The following BAZ1B variants were observed in gnomAD, a reference collection of about 807,000 sequenced individuals.
The protein encoded by BAZ1B is tyrosine-protein kinase BAZ1B.
A neutral mutation model predicts 153.8 loss-of-function variants in BAZ1B; 22 were observed. The observed-to-expected ratio is 0.14, with a 90% CI of 0.10 to 0.20. The LOEUF (loss-of-function observed/expected upper bound fraction) is 0.20, where lower values mean the gene tolerates loss of function less well. Among genes scored for constraint, BAZ1B ranks in the 10% least tolerant of loss-of-function variants. The probability of loss-of-function intolerance (pLI) is 1.00; values close to 1 mark genes in which losing one functional copy is unlikely to be tolerated. For missense variants in BAZ1B, 1,325 were observed against 1,799.3 expected (o/e 0.74, Z 4.77); for synonymous variants, 676 against 633.4 (o/e 1.07, Z -1.01).
At chr7:73,515,082 A>C (rs975484899) in intron 1 of BAZ1B, among the ~76,000 whole-genome samples, 1 of 152,150 alleles carries the variant, frequency 6.6e-6, no homozygotes, top group Non-Finnish European at 1.5e-5. Flanking sequence ...AAAAAAAAAC[A>C]AAAAACCTCC....
rs782336091 is a variant in BAZ1B, at chr7:73,477,927, C to T, written c.1534G>A (p.Ala512Thr). 1 of 1,614,216 alleles carries T rather than the reference C, an allele frequency of 6.2e-7. No homozygotes were observed. Among genetic ancestry groups the T allele is most frequent in the South Asian group, 1.1e-5 (1 of 91,084 alleles). Reference sequence around the variant, plus strand: ...CTTCGCAATTCTTCTGGGAGACGAGCTCTATCTTCACTAGAGAGAAGACGA... The same window carrying T: ...CTTCGCAATTCTTCTGGGAGACGAGTTCTATCTTCACTAGAGAGAAGACGA... ...TARLLSSEDR[A>T]RLPEELRSLV... The change falls in exon 7 of 20, where the codon GCT (alanine) becomes ACT (threonine). Residue 512 changes from alanine (A) to threonine (T), a missense_variant. This residue lies in a region of BAZ1B where 154 missense variants were observed against 266.3 expected (regional missense o/e 0.58). Transcript: ENST00000339594. This position sits in a 1 kb window ranked among gnomAD's most constrained non-coding sequence, Gnocchi z 5.6.
chr7:73,521,990 T>A lies in BAZ1B; in HGVS notation c.-57A>T. 8.4e-7 allele frequency: 1 copy of A among 1,191,688 alleles called. No homozygotes were observed. Among genetic ancestry groups the A allele is most frequent in the Non-Finnish European group, 1.1e-6 (1 of 948,190 alleles). The allele number at this position is 1,191,688 out of a possible 1,614,324, so 73.8% of individuals were successfully genotyped here. On this transcript the variant is annotated 5_prime_UTR_variant, in exon 1 of 20. Coordinates refer to ENST00000339594, the MANE Select transcript of BAZ1B (RefSeq NM_032408.4). Reference sequence around the variant, plus strand: ...TGGGGCCGGCCCCGCGGCGCAGCACTAGGCCCCGCGGCCCGGAGCGAGCGC... The same window carrying A: ...TGGGGCCGGCCCCGCGGCGCAGCACAAGGCCCCGCGGCCCGGAGCGAGCGC...
chr7:73,472,600 G>A (rs888718200), intron 7 of BAZ1B, among the ~76,000 whole-genome samples: 4 of 152,048 alleles, frequency 2.6e-5, no homozygotes, highest in Non-Finnish European at 5.9e-5. Flanking sequence ...GTTTTGAGAC[G>A]GAGTCTCACC....
intron 13 of BAZ1B, among the ~76,000 whole-genome samples, chr7:73,454,259 C>T (rs1554569097): frequency 6.6e-6 from 1 of 152,110 alleles, no homozygotes; most frequent in Non-Finnish European, 1.5e-5. Flanking sequence ...GAGTCTGAGG[C>T]TGCAGAGAGC....
chr7:73,497,469 T>G (rs1293449806), intron 4 of BAZ1B, among the ~76,000 whole-genome samples: 1 of 152,210 alleles, frequency 6.6e-6, no homozygotes, highest in African/African-American at 2.4e-5. Context: ...TAAGTTTTGA[T>G]AAATTTTAAC....
chr7:73,492,549 T>C lies in BAZ1B; in HGVS notation c.693+251A>G, dbSNP rs192575486. On this transcript the variant is annotated intron_variant, in intron 5 of 19. Coordinates refer to ENST00000339594, the MANE Select transcript of BAZ1B (RefSeq NM_032408.4). ...AGATTCTTAATTTTCAAACTGAATT[T>C]CAAGCTCAAATGTAAATTACTTACA... is the stretch of plus-strand genomic sequence containing the variant. Among the ~76,000 whole-genome samples the C allele has an allele frequency of 2.2e-4, 34 of 152,306 alleles. No individual in the cohort carries two copies. In the East Asian group the frequency reaches 5.8e-3, roughly 26 times the overall value.
rs548268452 is a variant in BAZ1B, at chr7:73,462,838, T to C, written c.3249+84A>G. 617 of 1,447,452 alleles carry C rather than the reference T, an allele frequency of 4.3e-4. 1 individual carries two copies. Among genetic ancestry groups the C allele is most frequent in the African/African-American group, 7.5e-4 (53 of 70,864 alleles). 89.7% of individuals were successfully genotyped at this position (1,447,452 alleles called of 1,614,324 possible). ...ACATCTGATTTCCAGGAGGGTCATG[T>C]TGGGAAGTCAAGAACAGCACCAGGG... On this transcript the variant is annotated intron_variant, in intron 12 of 19. Coordinates refer to ENST00000339594, the MANE Select transcript of BAZ1B (RefSeq NM_032408.4).
At chr7:73,462,645 G>A (rs189962489) in intron 12 of BAZ1B, 23 of 414,840 alleles carry the variant, frequency 5.5e-5, no homozygotes, top group African/African-American at 6.2e-5. Context: ...CTATACGACT[G>A]GAGCCTCTAC....
At chr7:73,482,001 T>C (rs1009985524) in intron 6 of BAZ1B, among the ~76,000 whole-genome samples, 1 of 152,192 alleles carries the variant, frequency 6.6e-6, no homozygotes, top group African/African-American at 2.4e-5. Context: ...ATCCCGCCAC[T>C]GCACTCTGGC....
intron 12 of BAZ1B, among the ~76,000 whole-genome samples, chr7:73,459,995 G>C (rs1262975415): frequency 6.6e-6 from 1 of 152,010 alleles, no homozygotes; most frequent in Non-Finnish European, 1.5e-5. Context: ...AGGAGTTCAA[G>C]ACCACTTTGG....
At chr7:73,521,747 G>C (rs992680471) in intron 1 of BAZ1B, 80 bp downstream of exon 1, 2 of 1,254,558 alleles carry the variant, frequency 1.6e-6, no homozygotes, top group South Asian at 1.5e-5. Context: ...GGGATGCGCG[G>C]CTGACCTGGT....
chr7:73,519,527 C>T (rs2115632369), intron 1 of BAZ1B, among the ~76,000 whole-genome samples: 1 of 152,182 alleles, frequency 6.6e-6, no homozygotes, highest in East Asian at 1.9e-4. Context: ...GTTTTAAATG[C>T]TGTTATGGGA....
At chr7:73,497,065 CAA>C (rs1156829240) in intron 4 of BAZ1B, among the ~76,000 whole-genome samples, 12 of 49,486 alleles carry the variant, frequency 2.4e-4, no homozygotes, top group Admixed American at 2.3e-4. Context: ...CTGACCTCTA[CAA>C]AAAAAAAAAA....
chr7:73,519,236 G>C (rs1174889488), intron 1 of BAZ1B, among the ~76,000 whole-genome samples: 2 of 152,040 alleles, frequency 1.3e-5, no homozygotes, highest in African/African-American at 2.4e-5. Flanking sequence ...TCAAAAGGTA[G>C]GTATTAAAAG....
At chr7:73,487,859 T>A (rs782198868) in intron 6 of BAZ1B, among the ~76,000 whole-genome samples, 29 of 152,198 alleles carry the variant, frequency 1.9e-4, no homozygotes, top group Non-Finnish European at 3.7e-4. Flanking sequence ...CAAATAATAA[T>A]AATTTAAAGA....
At position 73,522,017 on chromosome 7, in the gene BAZ1B, A is replaced by G. The variant is rs1554580342; in HGVS notation, c.-84T>C. ...GGCCCCGCGGCCCGGAGCGAGCGCC[A>G]GGCGCCCGGGGGTGGGGTGGGGGAA... On this transcript the variant is annotated 5_prime_UTR_variant, in exon 1 of 20. Transcript: ENST00000339594. The G allele has an allele frequency of 4.3e-6, 3 of 704,082 alleles. No homozygotes were observed. Among genetic ancestry groups the G allele is most frequent in the East Asian group, 8.1e-5 (2 of 24,782 alleles). 43.6% of individuals were successfully genotyped at this position (704,082 alleles called of 1,614,324 possible).
intron 16 of BAZ1B, among the ~76,000 whole-genome samples, chr7:73,444,801 G>A (rs1554566029): frequency 7.8e-4 from 118 of 152,004 alleles, no homozygotes; most frequent in African/African-American, 2.7e-3. Flanking sequence ...GATCACCTGA[G>A]GTCGGGAGTT....
At chr7:73,479,511 A>G (rs962911495) in intron 6 of BAZ1B, among the ~76,000 whole-genome samples, 45 of 149,610 alleles carry the variant, frequency 3.0e-4, no homozygotes, top group African/African-American at 1.1e-3. Flanking sequence ...CCCGTCTCAA[A>G]AAAAAAAAAA....
chr7:73,506,515 T>C (rs114672123), intron 3 of BAZ1B, among the ~76,000 whole-genome samples: 2 of 131,746 alleles, frequency 1.5e-5, no homozygotes, highest in African/African-American at 5.7e-5. Flanking sequence ...AAAAAAAAAT[T>C]TAAGTAGAAA....
Sources: gnomAD v4.1 joint callset for allele counts (sites outside exome capture counted in the v4.1 genomes callset) on GRCh38, gnomAD v4.1.1 for gene constraint, gnomAD v4.1.1 regional missense constraint, Gnocchi (gnomAD v3.1) non-coding constraint, MANE v1.5 for transcripts, NCBI Gene and HGNC (gene_info 2026-07-23, HGNC 2026-07-21) for gene names.